SLC67A1: variants seen among roughly 807,000 people sequenced by gnomAD.
SLC67A1 encodes the protein solute carrier family 67 member 1.
At chr11:2,919,758 A>T in the SLC67A1 span, 2 of 280,898 alleles carry the variant, frequency 7.1e-6, no homozygotes, top group African/African-American at 4.4e-5. Context: ...AGATGAGATG[A>T]CCTAACGTGG....
At chr11:2,919,106 GA>G in the SLC67A1 span, 1 of 576,932 alleles carries the variant, frequency 1.7e-6, no homozygotes, top group Admixed American at 3.2e-5. Flanking sequence ...AACCACACGA[GA>G]GGCACTTTCC....
the SLC67A1 span, among the ~76,000 whole-genome samples, chr11:2,905,842 C>G: frequency 6.6e-6 from 1 of 152,176 alleles, no homozygotes; most frequent in Non-Finnish European, 1.5e-5. Context: ...GCCACCCCCT[C>G]AAAAGGGGAT....
chr11:2,908,435 C>T, the SLC67A1 span: 2 of 776,876 alleles, frequency 2.6e-6, no homozygotes, highest in South Asian at 1.8e-5. Flanking sequence ...CACCGGACCC[C>T]CCTGGGATGA....
the SLC67A1 span, chr11:2,919,278 C>T: frequency 1.3e-6 from 2 of 1,544,584 alleles, no homozygotes; most frequent in South Asian, 1.1e-5. Flanking sequence ...TGTGGGGGTA[C>T]TCACCCCTGT....
the SLC67A1 span, among the ~76,000 whole-genome samples, chr11:2,910,628 G>A: frequency 6.6e-6 from 1 of 152,138 alleles, no homozygotes; most frequent in Admixed American, 6.5e-5. Context: ...CAGGGAGACC[G>A]GTAGGACAGC....
At chr11:2,915,111 C>T in the SLC67A1 span, 13 of 985,384 alleles carry the variant, frequency 1.3e-5, no homozygotes, top group Non-Finnish European at 1.3e-5. Context: ...TGCCAGCACC[C>T]CCCTAGACTG....
chr11:2,909,661 G>A, the SLC67A1 span: 10 of 1,540,002 alleles, frequency 6.5e-6, no homozygotes, highest in African/African-American at 1.4e-5. Context: ...CTTCGGCGTC[G>A]GAGTCATCCT....
chr11:2,911,714 G>C, the SLC67A1 span, among the ~76,000 whole-genome samples: 50,086 of 152,104 alleles, frequency 0.33, 9,102 homozygotes, highest in African/African-American at 0.44. Flanking sequence ...GGGAGGGTCC[G>C]AGCTCGCTCA....
chr11:2,914,476 TG>T, the SLC67A1 span, among the ~76,000 whole-genome samples: 1 of 152,108 alleles, frequency 6.6e-6, no homozygotes. Flanking sequence ...AGTTCATTTT[TG>T]GGGAGCAGGA....
chr11:2,900,398 T>C, the SLC67A1 span, among the ~76,000 whole-genome samples: 3 of 151,836 alleles, frequency 2.0e-5, no homozygotes, highest in Admixed American at 2.0e-4. Flanking sequence ...GACCCAAAGA[T>C]ATGGGGGAAA....
chr11:2,923,981 C>T, the SLC67A1 span, among the ~76,000 whole-genome samples: 1 of 152,172 alleles, frequency 6.6e-6, no homozygotes, highest in Non-Finnish European at 1.5e-5. The surrounding 1 kb of genome is among the most constrained non-coding windows in gnomAD (Gnocchi z 6.5). Flanking sequence ...GCTGACCAGC[C>T]CTGGGAGTTC....
chr11:2,900,481 C>G, the SLC67A1 span, among the ~76,000 whole-genome samples: 8 of 151,938 alleles, frequency 5.3e-5, no homozygotes, highest in Admixed American at 4.6e-4. Context: ...ATCACGAGGT[C>G]AGGAGATCGA....
the SLC67A1 span, chr11:2,909,395 C>T: frequency 6.7e-7 from 1 of 1,494,676 alleles, no homozygotes; most frequent in Non-Finnish European, 8.9e-7. Flanking sequence ...GGGGCCGGGT[C>T]GGGGGCAGCC....
chr11:2,921,832 C>G, the SLC67A1 span: 1 of 472,414 alleles, frequency 2.1e-6, no homozygotes, highest in African/African-American at 2.0e-5. Context: ...CCGAGCCCAT[C>G]CCCGGTGTCC....
chr11:2,905,160 C>G, the SLC67A1 span, among the ~76,000 whole-genome samples: 4 of 152,200 alleles, frequency 2.6e-5, no homozygotes, highest in Non-Finnish European at 2.9e-5. Flanking sequence ...GGCAGTTCAG[C>G]ACAGAGGCTC....
the SLC67A1 span, chr11:2,903,441 G>A: frequency 2.5e-6 from 4 of 1,613,056 alleles, no homozygotes; most frequent in African/African-American, 4.0e-5. Context: ...CCTACGTGCT[G>A]GCCGCCACAG....
At chr11:2,903,481 A>G in the SLC67A1 span, 4 of 1,613,006 alleles carry the variant, frequency 2.5e-6, 1 homozygote, top group Middle Eastern at 4.9e-4. Flanking sequence ...GCAGTTCTCC[A>G]TCGTGCCAGT....
the SLC67A1 span, among the ~76,000 whole-genome samples, chr11:2,911,767 A>T: frequency 6.6e-6 from 1 of 152,084 alleles, no homozygotes. Context: ...CTCAGCACAC[A>T]TGCCTCCTGC....
At chr11:2,919,408 G>A in the SLC67A1 span, 1 of 1,612,246 alleles carries the variant, frequency 6.2e-7, no homozygotes, top group Non-Finnish European at 8.5e-7. Flanking sequence ...CCTCCAGATG[G>A]TGAGTGGGCA....
Sources: allele counts gnomAD v4.1 joint callset (sites outside exome capture counted in the v4.1 genomes callset), GRCh38; gene constraint gnomAD v4.1.1; non-coding constraint Gnocchi (gnomAD v3.1); transcripts MANE v1.5; gene names NCBI Gene and HGNC (gene_info 2026-07-23, HGNC 2026-07-21).